The following U2SURP variants were observed in gnomAD, a reference collection of about 807,000 sequenced individuals.
The protein encoded by U2SURP is U2 snRNP associated SURP domain containing, also known as U2 snRNP-associated SURP motif-containing protein.
A neutral mutation model predicts 144.9 loss-of-function variants in U2SURP; 9 were observed. The observed-to-expected ratio is 0.06, with a 90% CI of 0.04 to 0.11. The LOEUF is 0.11. Among genes scored for constraint, U2SURP ranks in the 10% least tolerant of loss-of-function variants. The probability of loss-of-function intolerance (pLI) is 1.00; values close to 1 mark genes in which losing one functional copy is unlikely to be tolerated. For synonymous variants in U2SURP, 408 were observed against 396.8 expected, an observed-to-expected ratio of 1.03 and a Z score of -0.33; for missense variants, 724 against 1,226.7, an observed-to-expected ratio of 0.59 and a Z score of 6.12.
At chr3:143,054,148 G>C (rs1238820229) in intron 26 of U2SURP, among the ~76,000 whole-genome samples, 1 of 152,188 alleles carries the variant, frequency 6.6e-6, no homozygotes, top group African/African-American at 2.4e-5. Context: ...TATCTGTGCT[G>C]AGGCTGCTAC....
chr3:143,018,862 T>C (rs1578125828), intron 6 of U2SURP, among the ~76,000 whole-genome samples: 1 of 151,884 alleles, frequency 6.6e-6, no homozygotes, highest in African/African-American at 2.4e-5. Flanking sequence ...GAGGCAGAGG[T>C]TGTGGTGAGC....
intron 24 of U2SURP, among the ~76,000 whole-genome samples, chr3:143,050,352 C>T (rs977821742): frequency 6.6e-6 from 1 of 152,176 alleles, no homozygotes; most frequent in Non-Finnish European, 1.5e-5. Flanking sequence ...GGATTACAGG[C>T]GTGAGCCACT....
At position 143,036,038 on chromosome 3, in the gene U2SURP, A is replaced by G; in HGVS notation, c.1998A>G (p.Pro666=). The part of the protein sequence containing the change: ...AWEDWAIYPE[P]FLIKLQNIFL... ...AAGATTGGGCAATTTATCCAGAACC[A>G]TTTTTGATCAAACTACAAAATATTT... The change falls in exon 20 of 28, where the codon CCA becomes CCG. Residue 666 remains proline, a synonymous_variant. Coordinates refer to ENST00000473835, the MANE Select transcript of U2SURP (RefSeq NM_001080415.2). The G allele has an allele frequency of 6.2e-7, 1 of 1,611,338 alleles. No individual in the cohort carries two copies. The highest frequency in any genetic ancestry group is 1.1e-5 in the South Asian group (1 of 90,648).
intron 4 of U2SURP, among the ~76,000 whole-genome samples, chr3:143,015,851 C>T (rs953245086): frequency 6.6e-6 from 1 of 152,058 alleles, no homozygotes; most frequent in African/African-American, 2.4e-5. Flanking sequence ...GATATTGCTG[C>T]TTCAACTTCT....
rs1385959371 is a variant in U2SURP at position 143,046,971 on chromosome 3, G to A, written c.2544+3695G>A. On this transcript the variant is annotated intron_variant, in intron 24 of 27. Coordinates refer to ENST00000473835, the MANE Select transcript of U2SURP (RefSeq NM_001080415.2). Reference sequence around the variant, plus strand: ...GGCTGACCTCCCCCACCTCCCTCCCGGACGGGGCGGCTGGCCGGGCGGGGG... The same window carrying A: ...GGCTGACCTCCCCCACCTCCCTCCCAGACGGGGCGGCTGGCCGGGCGGGGG... Among the ~76,000 whole-genome samples, 11 of 130,246 alleles carry A rather than the reference G, an allele frequency of 8.4e-5. No homozygotes were observed. In the South Asian group the frequency reaches 1.0e-3, roughly 12 times the overall value. 85.4% of individuals were successfully genotyped at this position (130,246 alleles called of 152,430 possible).
At chr3:143,051,809 T>G (rs1934883868) in intron 25 of U2SURP, among the ~76,000 whole-genome samples, 1 of 152,050 alleles carries the variant, frequency 6.6e-6, no homozygotes. Context: ...CCTAGGCAAG[T>G]CACTGCAGCC....
At chr3:143,014,967 A>C (rs1936293798) in intron 4 of U2SURP, among the ~76,000 whole-genome samples, 1 of 152,072 alleles carries the variant, frequency 6.6e-6, no homozygotes, top group Non-Finnish European at 1.5e-5. Flanking sequence ...ATATTCTTAT[A>C]GGTGAGATTT....
chr3:143,049,833 G>A (rs1934757177), intron 24 of U2SURP, among the ~76,000 whole-genome samples: 1 of 152,004 alleles, frequency 6.6e-6, no homozygotes, highest in South Asian at 2.1e-4. Flanking sequence ...GTAAAATTAA[G>A]CTCACTTATT....
chr3:143,011,970 A>G, intron 2 of U2SURP: 1 of 589,248 alleles, frequency 1.7e-6, no homozygotes, highest in East Asian at 3.8e-5. Context: ...AAATGAAGGT[A>G]ACGAACCTGT....
intron 16 of U2SURP, among the ~76,000 whole-genome samples, chr3:143,029,037 G>C (rs1355870640): frequency 6.6e-6 from 1 of 152,178 alleles, no homozygotes; most frequent in Non-Finnish European, 1.5e-5. Flanking sequence ...GCCGCTACAT[G>C]ATAACTTTCA....
At chr3:143,046,527 C>G (rs909497744) in intron 24 of U2SURP, among the ~76,000 whole-genome samples, 1 of 110,876 alleles carries the variant, frequency 9.0e-6, no homozygotes, top group Non-Finnish European at 1.8e-5. Context: ...TGACTCTTAA[C>G]GAGCATGCTG....
chr3:143,060,586 G>A lies in U2SURP; in HGVS notation c.*4136G>A, dbSNP rs1242998570. On this transcript the variant is annotated 3_prime_UTR_variant, in exon 28 of 28. Transcript: ENST00000473835. ...GTAATTTTCTCCATATTGTTTTTCC[G>A]ATGCAAGCCCAGTTAATAATTAGTT... The A allele has an allele frequency of 2.0e-5, 3 of 151,762 alleles. No homozygotes were observed. The highest frequency in any genetic ancestry group is 4.4e-5 in the Non-Finnish European group (3 of 67,820). 9.4% of individuals were successfully genotyped at this position (151,762 alleles called of 1,614,324 possible).
Position 143,010,044 on chromosome 3 carries a change from A to G in U2SURP, c.46-771A>G, listed in dbSNP as rs140858821. On this transcript the variant is annotated intron_variant, in intron 1 of 27. Transcript: ENST00000473835. The stretch of plus-strand genomic sequence containing the variant: ...CAGTTATATTTTGGATCCCCAAGTA[A>G]AAATTCTTGGAGAATCTTTCTTTCA... 8.6e-3 allele frequency among the ~76,000 whole-genome samples: 1,305 copies of G among 152,346 alleles called. 21 individuals are homozygous for G. The highest frequency in any genetic ancestry group is 0.03 in the African/African-American group (1,232 of 41,588).
At chr3:143,051,098 T>A in intron 25 of U2SURP, 49 bp downstream of exon 25, 1 of 1,201,102 alleles carries the variant, frequency 8.3e-7, no homozygotes, top group Non-Finnish European at 1.2e-6. Flanking sequence ...AGTTATTTAT[T>A]TGACTTCCTA....
At chr3:143,048,863 C>A (rs868676860) in intron 24 of U2SURP, among the ~76,000 whole-genome samples, 1 of 151,536 alleles carries the variant, frequency 6.6e-6, no homozygotes, top group Admixed American at 6.6e-5. Context: ...GCGTGAGACA[C>A]CGTCTCAAAA....
intron 24 of U2SURP, 77 bp downstream of exon 24, chr3:143,043,353 A>G (rs1169968484): frequency 6.9e-6 from 10 of 1,440,802 alleles, no homozygotes; most frequent in Non-Finnish European, 8.4e-6. Context: ...GCCTCTTTGC[A>G]TTGTACCGTA....
Position 143,032,954 on chromosome 3 carries a change from A to G in U2SURP, c.1773+8A>G, listed in dbSNP as rs372519199. 6.4e-5 allele frequency: 103 copies of G among 1,605,190 alleles called. No homozygotes were observed. The African/African-American group carries it at 1.3e-3, about 20-fold the overall frequency. On this transcript the variant is annotated splice_region_variant and intron_variant, in intron 17 of 27. Transcript: ENST00000473835. The stretch of plus-strand genomic sequence containing the variant: ...ACACCCCTTCCTAAAAAGGTATGGG[A>G]ATGAATTTTAAGAAAAGGGGAGATA...
chr3:143,013,638 A>G (rs534348839), intron 3 of U2SURP, among the ~76,000 whole-genome samples: 6 of 152,092 alleles, frequency 3.9e-5, no homozygotes, highest in East Asian at 1.9e-4. Context: ...TCTACAGACA[A>G]TGTATTCAGG....
intron 1 of U2SURP, among the ~76,000 whole-genome samples, chr3:143,009,702 T>G (rs1936024088): frequency 2.0e-5 from 3 of 152,150 alleles, no homozygotes. Flanking sequence ...CGCAATACAG[T>G]GGAGTTCAGA....
Sources: allele counts gnomAD v4.1 joint callset (sites outside exome capture counted in the v4.1 genomes callset), GRCh38; gene constraint gnomAD v4.1.1; transcripts MANE v1.5; gene names NCBI Gene and HGNC (gene_info 2026-07-23, HGNC 2026-07-21).